Variants in CDH13 observed in about 807,000 individuals in gnomAD.
CDH13 encodes the protein cadherin 13.
A neutral mutation model predicts 63.8 loss-of-function variants in CDH13; 24 were observed. The ratio of observed to expected loss-of-function variants is 0.38; its 90% CI spans 0.27 to 0.53. The LOEUF (loss-of-function observed/expected upper bound fraction) is 0.53. Among genes scored for constraint, CDH13 ranks in the 20% least tolerant of loss-of-function variants. CDH13 has a pLI of 0.85. For missense variants in CDH13, 1,049 were observed against 903.1 expected (o/e 1.16, Z -2.07); for synonymous variants, 503 against 355.3 (o/e 1.42, Z -4.67).
intron 8 of CDH13, among the ~76,000 whole-genome samples, chr16:83,634,750 A>G (rs761550845): frequency 3.3e-5 from 5 of 152,120 alleles, no homozygotes; most frequent in Non-Finnish European, 5.9e-5. Context: ...TCATCCAAGT[A>G]CTCACATCAG....
At position 82,681,124 on chromosome 16, in the gene CDH13, T is replaced by C. The variant is rs530511291; in HGVS notation, c.45+53987T>C. ...CAAAAAGATATTCTTGGGAAGACTC[T>C]GGTGTCTGAAAGATTAAAGGGAAAA... On this transcript the variant is annotated intron_variant, in intron 1 of 13. Transcript: ENST00000567109. Among the ~76,000 whole-genome samples, 3 of 152,354 alleles carry C rather than the reference T, an allele frequency of 2.0e-5. No homozygotes were observed. The East Asian group carries it at 5.8e-4, about 29-fold the overall frequency.
intron 1 of CDH13, among the ~76,000 whole-genome samples, chr16:82,746,100 C>CTA (rs1274755770): frequency 2.6e-5 from 4 of 151,766 alleles, no homozygotes; most frequent in African/African-American, 7.3e-5. Flanking sequence ...ATTTCTCTCT[C>CTA]TCTATATATA....
At chr16:83,535,948 G>GA (rs2075177142) in intron 7 of CDH13, among the ~76,000 whole-genome samples, 1 of 67,860 alleles carries the variant, frequency 1.5e-5, no homozygotes, top group Non-Finnish European at 3.7e-5. Flanking sequence ...AGGAAGGAAG[G>GA]AAGGAAGAAA....
chr16:83,427,752 C>T lies in CDH13; in HGVS notation c.782-58725C>T, dbSNP rs150408203. Among the ~76,000 whole-genome samples the T allele has an allele frequency of 6.9e-3, 1,052 of 152,278 alleles. 9 individuals carry two copies. The highest frequency in any genetic ancestry group is 0.01 in the Non-Finnish European group (700 of 68,022). On this transcript the variant is annotated intron_variant, in intron 6 of 13. Transcript: ENST00000567109. ...TGCACTTATGGTCTGCTGTCCTGTT[C>T]CACCATTCTCTTTCCCAGCACATCA...
At chr16:82,747,942 C>T (rs1380277295) in intron 1 of CDH13, among the ~76,000 whole-genome samples, 1 of 152,278 alleles carries the variant, frequency 6.6e-6, no homozygotes, top group Non-Finnish European at 1.5e-5. Context: ...AACCAAGGCA[C>T]AATTTTAGAT....
intron 5 of CDH13, among the ~76,000 whole-genome samples, chr16:83,323,173 T>TTTCTTTCTTTCTCTTTC (rs2090272240): frequency 1.3e-5 from 1 of 74,104 alleles, no homozygotes; most frequent in Admixed American, 1.3e-4. Context: ...TTCTCTTTCT[T>TTTCTTTCTTTCTCTTTC]TTTTCTTTCT....
intron 1 of CDH13, among the ~76,000 whole-genome samples, chr16:82,798,222 C>T (rs1421517840): frequency 6.6e-6 from 1 of 152,164 alleles, no homozygotes; most frequent in African/African-American, 2.4e-5. Context: ...CAGTGGATAT[C>T]ATCCTCTCCA....
intron 7 of CDH13, among the ~76,000 whole-genome samples, chr16:83,511,793 A>G (rs2074572414): frequency 6.6e-6 from 1 of 152,158 alleles, no homozygotes; most frequent in South Asian, 2.1e-4. Context: ...TACAATGGGA[A>G]TCTGAATGTT....
chr16:82,933,633 G>A (rs1157622230), intron 2 of CDH13, among the ~76,000 whole-genome samples: 1 of 152,140 alleles, frequency 6.6e-6, no homozygotes, highest in Non-Finnish European at 1.5e-5. Context: ...TCTGATTTGA[G>A]ACAAGGCAAG....
intron 5 of CDH13, among the ~76,000 whole-genome samples, chr16:83,320,811 G>T (rs1207973595): frequency 2.6e-5 from 4 of 152,166 alleles, no homozygotes; most frequent in Non-Finnish European, 5.9e-5. Flanking sequence ...CCACAAAGTG[G>T]AGCCCATTAG....
intron 6 of CDH13, among the ~76,000 whole-genome samples, chr16:83,477,650 G>C (rs943349715): frequency 1.3e-5 from 2 of 152,144 alleles, no homozygotes; most frequent in African/African-American, 4.8e-5. Flanking sequence ...AGGGCAAAAT[G>C]TTTCCCATGG....
At chr16:82,984,124 C>T (rs1251365398) in intron 2 of CDH13, among the ~76,000 whole-genome samples, 4 of 152,174 alleles carry the variant, frequency 2.6e-5, no homozygotes, top group Non-Finnish European at 5.9e-5. Context: ...ATTAAACACA[C>T]CCCAAATATT....
chr16:83,302,936 T>A (rs564919612), intron 5 of CDH13, among the ~76,000 whole-genome samples: 1 of 152,330 alleles, frequency 6.6e-6, no homozygotes, highest in Non-Finnish European at 1.5e-5. Flanking sequence ...GTGCAGTCAC[T>A]ACAGTTGCTC....
chr16:83,348,648 C>G (rs2090889370), intron 6 of CDH13, among the ~76,000 whole-genome samples: 1 of 152,224 alleles, frequency 6.6e-6, no homozygotes, highest in Non-Finnish European at 1.5e-5. Flanking sequence ...TGTTCCTGCT[C>G]ACAGCATTGT....
intron 3 of CDH13, among the ~76,000 whole-genome samples, chr16:83,045,634 T>TAAAAAAAAAAAAAA (rs71382861): frequency 2.8e-5 from 3 of 107,918 alleles, no homozygotes; most frequent in African/African-American, 1.1e-4. Flanking sequence ...AAGATTCCTT[T>TAAAAAAAAAAAAAA]AAAAAAAAAA....
intron 3 of CDH13, among the ~76,000 whole-genome samples, chr16:83,113,523 T>C (rs2035160915): frequency 6.6e-6 from 1 of 152,252 alleles, no homozygotes; most frequent in South Asian, 2.1e-4. Flanking sequence ...CAGGAAAATG[T>C]AGAGTCTGCC....
chr16:83,448,481 G>C (rs1275330787), intron 6 of CDH13, among the ~76,000 whole-genome samples: 1 of 152,200 alleles, frequency 6.6e-6, no homozygotes, highest in Non-Finnish European at 1.5e-5. Context: ...AAGGTGCTCA[G>C]TGTCTCTGAG....
chr16:83,689,176 G>C (rs1316608240), intron 10 of CDH13, among the ~76,000 whole-genome samples: 1 of 152,040 alleles, frequency 6.6e-6, no homozygotes, highest in African/African-American at 2.4e-5. Context: ...AATTATCAGG[G>C]TCCTTCTTGT....
intron 4 of CDH13, among the ~76,000 whole-genome samples, chr16:83,201,396 C>A (rs1362258290): frequency 2.0e-5 from 3 of 149,722 alleles, no homozygotes; most frequent in Admixed American, 6.6e-5. Flanking sequence ...AGGAAAGGCA[C>A]TACTTTCTTT....
Sources: gnomAD v4.1 joint callset for allele counts (sites outside exome capture counted in the v4.1 genomes callset) on GRCh38, gnomAD v4.1.1 for gene constraint, MANE v1.5 for transcripts, NCBI Gene and HGNC (gene_info 2026-07-23, HGNC 2026-07-21) for gene names.